NFRKB: variants seen among roughly 807,000 people sequenced by gnomAD.
The protein encoded by NFRKB is nuclear factor related to kappa-B-binding protein.
Under a neutral mutation model 135.7 loss-of-function variants are expected in NFRKB, and 62 were observed. The observed-to-expected ratio is 0.46, with a 90% CI of 0.37 to 0.56. The LOEUF (loss-of-function observed/expected upper bound fraction) is 0.56. NFRKB is among the 20% of genes least tolerant of loss of function. The pLI, the probability that NFRKB is intolerant of heterozygous loss-of-function variation, is 0.00. For missense variants in NFRKB, 1,545 were observed against 1,662.0 expected (o/e 0.93, Z 1.22); for synonymous variants, 678 against 635.6 (o/e 1.07, Z -1.00).
At chr11:129,873,619 A>T in intron 22 of NFRKB, 126 bp downstream of exon 22, 1 of 1,306,182 alleles carries the variant, frequency 7.7e-7, no homozygotes, top group Non-Finnish European at 1.1e-6. Flanking sequence ...TATTCCGATG[A>T]ATGTCATCAC....
intron 12 of NFRKB, 70 bp from the exon 13 acceptor site, chr11:129,881,578 T>C (rs2135662328): frequency 1.2e-6 from 2 of 1,602,712 alleles, no homozygotes; most frequent in Middle Eastern, 3.3e-4. Flanking sequence ...CTTTTGAGTG[T>C]TCCACAATGT....
chr11:129,890,409 A>G (rs976563913), intron 3 of NFRKB, among the ~76,000 whole-genome samples: 1 of 152,206 alleles, frequency 6.6e-6, no homozygotes, highest in Non-Finnish European at 1.5e-5. Flanking sequence ...GCCCTGAAAG[A>G]GTATGCCAAG....
At position 129,874,641 on chromosome 11, in the gene NFRKB, C is replaced by T; in HGVS notation, c.1979-61G>A. 1.2e-6 allele frequency: 2 copies of T among 1,605,856 alleles called. No individual in the cohort carries two copies. Among genetic ancestry groups the T allele is most frequent in the East Asian group, 2.2e-5 (1 of 44,836 alleles). ...AACCTTAGCAAACTAAAAAGAGGGG[C>T]TTTGTTAAAAACCAACACCTTGCCA... On this transcript the variant is annotated intron_variant, in intron 19 of 26. Coordinates refer to ENST00000682444, the MANE Select transcript of NFRKB (RefSeq NM_001143835.2). The surrounding 1 kb of genome is among the most constrained non-coding windows in gnomAD (Gnocchi z 4.5).
intron 18 of NFRKB, 65 bp downstream of exon 18, chr11:129,875,292 T>C (rs1016921593): frequency 3.8e-6 from 5 of 1,303,000 alleles, no homozygotes; most frequent in African/African-American, 1.5e-5. Context: ...ATATTTTGTA[T>C]TTCCTGATAA....
At chr11:129,877,271 T>C in intron 16 of NFRKB, 54 bp downstream of exon 16, 19 of 1,529,840 alleles carry the variant, frequency 1.2e-5, no homozygotes, top group East Asian at 2.2e-5. Context: ...GCTCAGAGCA[T>C]CTCTCTGCAT....
In NFRKB at chr11:129,892,889, C is replaced by G. The variant is rs77652214; in HGVS notation, c.-21-19G>C. 1.1e-3 allele frequency: 1,839 copies of G among 1,613,850 alleles called. 20 individuals carry two copies. In the African/African-American group the frequency reaches 0.022, roughly 19 times the overall value. On this transcript the variant is annotated intron_variant, in intron 2 of 26. Transcript: ENST00000682444. Reference sequence around the variant, plus strand: ...AGGTACTCTGGACAAAGACATGCATCTTGAGACAGAAAGGCAGAAATTCCA... The same window carrying G: ...AGGTACTCTGGACAAAGACATGCATGTTGAGACAGAAAGGCAGAAATTCCA...
intron 13 of NFRKB, among the ~76,000 whole-genome samples, chr11:129,881,100 A>G (rs1336910406): frequency 2.0e-5 from 3 of 152,248 alleles, no homozygotes; most frequent in Non-Finnish European, 2.9e-5. Context: ...TTTAGGAAAG[A>G]AAAAATTTAT....
At chr11:129,877,470 G>A in intron 15 of NFRKB, 85 bp from the exon 16 acceptor site, 1 of 1,239,780 alleles carries the variant, frequency 8.1e-7, no homozygotes, top group Non-Finnish European at 1.2e-6. Context: ...CATTCCCACT[G>A]TGACATGGAA....
chr11:129,878,960 CT>C (rs1378033173), intron 13 of NFRKB, among the ~76,000 whole-genome samples: 1 of 152,216 alleles, frequency 6.6e-6, no homozygotes, highest in African/African-American at 2.4e-5. Flanking sequence ...GTAAGAAAGG[CT>C]TCTGGCTAGT....
chr11:129,882,350 G>T, intron 10 of NFRKB, 101 bp downstream of exon 10: 1 of 1,427,804 alleles, frequency 7.0e-7, no homozygotes, highest in Non-Finnish European at 9.5e-7. Flanking sequence ...AGGTCTACAA[G>T]TCCAACATAC....
chr11:129,876,768 G>A lies in NFRKB; in HGVS notation c.1700C>T (p.Ser567Phe). The A allele has an allele frequency of 6.2e-7, 1 of 1,614,154 alleles. No homozygotes were observed. Residue 567 changes from serine (S) to phenylalanine (F), a missense_variant, in exon 17 of 27, where the codon TCC becomes TTC. Physicochemically the swap from Ser to Phe is radical, Grantham distance 155. Transcript: ENST00000682444. ...GGCAGGCCGGTCGGAGCGCAGCAGG[G>A]AGTGCTCCCGAGCCTTGTTGAGCGA... The part of the protein sequence containing the change: ...ETSLNKAREH[S>F]LLRSDRPAYV...
intron 13 of NFRKB, 51 bp downstream of exon 13, chr11:129,881,391 GA>G: frequency 1.3e-6 from 2 of 1,566,508 alleles, no homozygotes; most frequent in Non-Finnish European, 1.8e-6. Flanking sequence ...AAACTTAGGG[GA>G]AGAAATGGGA....
chr11:129,865,200 C>A, intron 25 of NFRKB, 99 bp from the exon 26 acceptor site: 1 of 1,391,744 alleles, frequency 7.2e-7, no homozygotes, highest in Non-Finnish European at 9.8e-7. Context: ...AGGTCTGTGC[C>A]AATGAAAATC....
At chr11:129,877,412 C>A (rs1948818732) in intron 15 of NFRKB, 27 bp from the exon 16 acceptor site, 1 of 1,611,010 alleles carries the variant, frequency 6.2e-7, no homozygotes, top group Non-Finnish European at 8.5e-7. Context: ...TCTGTATCAA[C>A]CCTGACAGCT....
chr11:129,885,315 C>A, intron 6 of NFRKB, 120 bp downstream of exon 6: 1 of 1,171,876 alleles, frequency 8.5e-7, no homozygotes, highest in Non-Finnish European at 1.2e-6. Flanking sequence ...GCACCCCAGA[C>A]CAGACAACTC....
Position 129,865,017 on chromosome 11 carries a change from G to A in NFRKB, c.3723C>T (p.Phe1241=), listed in dbSNP as rs1948124810. The change falls in exon 26 of 27, where the codon TTC becomes TTT. Residue 1241 remains phenylalanine (F), a synonymous_variant. Coordinates refer to ENST00000682444, the MANE Select transcript of NFRKB (RefSeq NM_001143835.2). ...KLIAGNKPVS[F]LTAQQLQQLQ... is the part of the protein sequence containing the mutation. ...GCTGCTGCAACTGCTGAGCAGTGAG[G>A]AAACTAACAGGCTTATTGCCAGCAA... is the stretch of plus-strand genomic sequence containing the variant. The A allele has an allele frequency of 6.2e-7, 1 of 1,613,126 alleles. No homozygotes were observed. Among genetic ancestry groups the A allele is most frequent in the African/African-American group, 1.3e-5 (1 of 75,032 alleles).
intron 13 of NFRKB, 110 bp from the exon 14 acceptor site, chr11:129,878,653 C>T (rs1948887792): frequency 5.4e-6 from 5 of 934,330 alleles, no homozygotes; most frequent in Non-Finnish European, 8.2e-6. Flanking sequence ...CTATCAGGAG[C>T]TGTAGCAACA....
At chr11:129,887,435 G>GACACC (rs1949329428) in intron 4 of NFRKB, among the ~76,000 whole-genome samples, 2 of 152,160 alleles carry the variant, frequency 1.3e-5, no homozygotes, top group Non-Finnish European at 2.9e-5. Flanking sequence ...TGGAAAACCT[G>GACACC]ATACCATGTG....
At chr11:129,883,969 G>T in intron 8 of NFRKB, 101 bp downstream of exon 8, 1 of 1,195,422 alleles carries the variant, frequency 8.4e-7, no homozygotes, top group Non-Finnish European at 1.3e-6. Flanking sequence ...TGGTAGGGAG[G>T]ACATACAGAC....
Sources: allele counts gnomAD v4.1 joint callset (sites outside exome capture counted in the v4.1 genomes callset), GRCh38; gene constraint gnomAD v4.1.1; non-coding constraint Gnocchi (gnomAD v3.1); transcripts MANE v1.5; gene names NCBI Gene and HGNC (gene_info 2026-07-23, HGNC 2026-07-21).